Variants in HDAC9 observed in about 807,000 individuals in gnomAD.
The protein encoded by HDAC9 is histone deacetylase 9, also known as MEF-2 interacting transcription repressor (MITR) protein.
HDAC9 carries 41 observed loss-of-function variants against 139.4 expected under a neutral mutation model. The observed-to-expected ratio is 0.29, with a 90% confidence interval of 0.23 to 0.38. The LOEUF is 0.38. Among genes scored for constraint, HDAC9 ranks in the 10% least tolerant of loss-of-function variants. The pLI is 1.00. For missense variants in HDAC9, 1,147 were observed against 1,297.0 expected (o/e 0.88, Z 1.78); for synonymous variants, 517 against 476.2 (o/e 1.09, Z -1.12).
At chr7:18,920,753 A>G (rs992845159) in intron 22 of HDAC9, among the ~76,000 whole-genome samples, 5 of 152,214 alleles carry the variant, frequency 3.3e-5, no homozygotes, top group South Asian at 2.1e-4. Context: ...TGAGATAATC[A>G]TGTGGTTTTT....
intron 25 of HDAC9, among the ~76,000 whole-genome samples, chr7:18,987,675 C>T (rs1368163823): frequency 3.3e-5 from 5 of 151,936 alleles, no homozygotes; most frequent in African/African-American, 4.8e-5. Flanking sequence ...TGGTAGAATT[C>T]GGCTGTGAAT....
intron 13 of HDAC9, among the ~76,000 whole-genome samples, chr7:18,732,215 A>G (rs113821678): frequency 0.018 from 2,762 of 152,242 alleles, 73 homozygotes; most frequent in African/African-American, 0.06. Context: ...TACTTTTGAG[A>G]ATTATAAAAA....
intron 2 of HDAC9, among the ~76,000 whole-genome samples, chr7:18,498,532 A>G (rs1287397778): frequency 6.6e-6 from 1 of 152,096 alleles, no homozygotes; most frequent in Non-Finnish European, 1.5e-5. Flanking sequence ...TGTTTGTCTT[A>G]ATTTAGCTAC....
At chr7:18,830,981 C>T (rs1795819694) in intron 19 of HDAC9, among the ~76,000 whole-genome samples, 1 of 152,166 alleles carries the variant, frequency 6.6e-6, no homozygotes, top group Non-Finnish European at 1.5e-5. Flanking sequence ...ATAGTATGCT[C>T]CTCTTTCTGT....
intron 23 of HDAC9, among the ~76,000 whole-genome samples, chr7:18,950,664 A>C (rs1157048072): frequency 6.6e-6 from 1 of 152,018 alleles, no homozygotes. Flanking sequence ...TTAGTAAATA[A>C]GAATATTTGT....
chr7:18,556,736 T>C (rs921557226), intron 2 of HDAC9, among the ~76,000 whole-genome samples: 1 of 152,060 alleles, frequency 6.6e-6, no homozygotes. Flanking sequence ...TCTCAGTGTT[T>C]CCCCACACAT....
At chr7:18,583,058 A>G (rs1189880732) in intron 2 of HDAC9, among the ~76,000 whole-genome samples, 6 of 151,920 alleles carry the variant, frequency 3.9e-5, no homozygotes, top group East Asian at 1.9e-4. Flanking sequence ...TTTGATCTAG[A>G]TGTTTTAGTA....
rs76354106 is a variant in HDAC9, at chr7:18,403,203, A to G, written c.-41-93059A>G. Among the ~76,000 whole-genome samples, 38 of 152,336 alleles carry G rather than the reference A, an allele frequency of 2.5e-4. No homozygotes were observed. In the East Asian group the frequency reaches 5.0e-3, roughly 20 times the overall value. Reference sequence around the variant, plus strand: ...GTTAAGTGTATAAATACAGTGAGGTATATACTTACATAGCAAGATAATGCT... The same window carrying G: ...GTTAAGTGTATAAATACAGTGAGGTGTATACTTACATAGCAAGATAATGCT... On this transcript the variant is annotated intron_variant, in intron 1 of 3. Coordinates refer to the HDAC9 transcript ENST00000413509.
At chr7:18,308,038 A>G (rs1183352506) in intron 1 of HDAC9, among the ~76,000 whole-genome samples, 1 of 152,218 alleles carries the variant, frequency 6.6e-6, no homozygotes, top group Non-Finnish European at 1.5e-5. Flanking sequence ...TCTGATACCT[A>G]CAAATATACA....
intron 12 of HDAC9, among the ~76,000 whole-genome samples, chr7:18,721,479 A>T (rs536392364): frequency 7.9e-5 from 12 of 152,164 alleles, no homozygotes; most frequent in African/African-American, 2.9e-4. Flanking sequence ...AATGTTCGTG[A>T]ATTCTTCTTT....
At chr7:18,568,310 C>T (rs1468967649) in intron 2 of HDAC9, among the ~76,000 whole-genome samples, 2 of 151,792 alleles carry the variant, frequency 1.3e-5, no homozygotes, top group Non-Finnish European at 1.5e-5. Flanking sequence ...ATTAAATATG[C>T]AAGATAAAAA....
chr7:18,972,636 C>T (rs568267647), intron 24 of HDAC9, among the ~76,000 whole-genome samples: 3 of 152,114 alleles, frequency 2.0e-5, no homozygotes, highest in Admixed American at 1.3e-4. Context: ...CCCCTTCAGC[C>T]TCCCAAAGTG....
At chr7:18,345,894 C>T (rs1160415947) in intron 1 of HDAC9, among the ~76,000 whole-genome samples, 3 of 152,000 alleles carry the variant, frequency 2.0e-5, no homozygotes, top group African/African-American at 2.4e-5. Flanking sequence ...TCCAACGACT[C>T]CTGTTTCTGT....
chr7:18,807,699 T>G (rs1455763337), intron 17 of HDAC9, among the ~76,000 whole-genome samples: 1 of 152,186 alleles, frequency 6.6e-6, no homozygotes, highest in East Asian at 1.9e-4. Context: ...TTCCCAGAAA[T>G]ATGTTGCTTA....
At chr7:18,378,757 C>G (rs141344239) in intron 1 of HDAC9, among the ~76,000 whole-genome samples, 2 of 152,124 alleles carry the variant, frequency 1.3e-5, no homozygotes, top group East Asian at 3.9e-4. Flanking sequence ...ATAGCCCATA[C>G]CAAAACAAAA....
intron 11 of HDAC9, 30 bp from the exon 12 acceptor site, chr7:18,666,183 A>G (rs1217592276): frequency 6.4e-7 from 1 of 1,559,512 alleles, no homozygotes; most frequent in Admixed American, 1.9e-5. Context: ...AGAACTACTG[A>G]ATTTTGAACC....
intron 2 of HDAC9, among the ~76,000 whole-genome samples, chr7:18,228,385 G>A (rs576691013): frequency 6.6e-6 from 1 of 151,280 alleles, no homozygotes; most frequent in African/African-American, 2.4e-5. Context: ...TTGATTAAAA[G>A]TTATCTTAAA....
intron 22 of HDAC9, among the ~76,000 whole-genome samples, chr7:18,880,212 A>G: frequency 6.6e-6 from 1 of 152,148 alleles, no homozygotes; most frequent in Non-Finnish European, 1.5e-5. Flanking sequence ...GTTGGTGGGA[A>G]TGTAAATTAG....
chr7:18,108,182 C>T (rs891725065), intron 1 of HDAC9, among the ~76,000 whole-genome samples: 1 of 152,118 alleles, frequency 6.6e-6, no homozygotes, highest in Non-Finnish European at 1.5e-5. Flanking sequence ...TGTTAATACC[C>T]AGAGTTTCCA....
Sources: allele counts gnomAD v4.1 joint callset (sites outside exome capture counted in the v4.1 genomes callset), GRCh38; gene constraint gnomAD v4.1.1; transcripts MANE v1.5; gene names NCBI Gene and HGNC (gene_info 2026-07-23, HGNC 2026-07-21).